REPS2: variants seen among roughly 807,000 people sequenced by gnomAD.
REPS2 encodes ralBP1-associated Eps domain-containing protein 2.
Under a neutral mutation model 53.6 loss-of-function variants are expected in REPS2, and 23 were observed. The observed-to-expected ratio is 0.43, with a 90% confidence interval of 0.31 to 0.61. The LOEUF (loss-of-function observed/expected upper bound fraction) is 0.61. REPS2 is among the 20% of genes least tolerant of loss of function. The pLI, the probability that REPS2 is intolerant of heterozygous loss-of-function variation, is 0.11. For missense variants in REPS2, 446 were observed against 534.9 expected (o/e 0.83, Z 1.64); for synonymous variants, 238 against 218.6 (o/e 1.09, Z -0.78).
the REPS2 span, among the ~76,000 whole-genome samples, chrX:17,160,968 C>T: frequency 3.6e-5 from 4 of 111,693 alleles, no homozygotes; most frequent in Admixed American, 9.5e-5. Context: ...GAATTGTGCC[C>T]CAGAAGTTGT....
intron 2 of REPS2, among the ~76,000 whole-genome samples, chrX:17,020,910 C>T (rs1027077286): frequency 4.5e-5 from 5 of 111,916 alleles, no homozygotes; most frequent in African/African-American, 1.6e-4. Context: ...GAATTATAGG[C>T]GTAAGTGAGC....
chrX:16,968,329 C>A (rs2060804636), intron 1 of REPS2, among the ~76,000 whole-genome samples: 1 of 112,930 alleles, frequency 8.9e-6, no homozygotes, highest in Non-Finnish European at 1.9e-5. Flanking sequence ...CCATTGTCAT[C>A]ATGGCCCGTT....
intron 1 of REPS2, among the ~76,000 whole-genome samples, chrX:16,967,601 C>T (rs751233574): frequency 2.7e-5 from 3 of 110,579 alleles, no homozygotes; most frequent in East Asian, 5.7e-4. Flanking sequence ...GAGGTCAAGG[C>T]TGGAGGGAGA....
chrX:17,144,938 G>A (rs1361718088), intron 17 of REPS2, among the ~76,000 whole-genome samples: 2 of 111,217 alleles, frequency 1.8e-5, no homozygotes, highest in African/African-American at 3.3e-5. Context: ...TTTAGCTTAT[G>A]TTCGTCTCAC....
the REPS2 span, among the ~76,000 whole-genome samples, chrX:17,190,450 C>T: frequency 8.9e-6 from 1 of 112,100 alleles, no homozygotes; most frequent in African/African-American, 3.2e-5. Context: ...GGCTACAACA[C>T]ACTGAAGAAA....
chrX:17,013,593 A>G (rs1364445288), intron 2 of REPS2, among the ~76,000 whole-genome samples: 2 of 103,293 alleles, frequency 1.9e-5, no homozygotes, highest in East Asian at 3.2e-4. Flanking sequence ...GGGTAAAGAA[A>G]GAAGCCCAGG....
At chrX:17,078,808 A>G (rs2062415411) in intron 13 of REPS2, among the ~76,000 whole-genome samples, 1 of 112,210 alleles carries the variant, frequency 8.9e-6, no homozygotes, top group Non-Finnish European at 1.9e-5. Flanking sequence ...TGCATCACAT[A>G]GTGGAAGAGA....
the REPS2 span, among the ~76,000 whole-genome samples, chrX:17,183,685 A>G: frequency 5.4e-5 from 6 of 112,090 alleles, no homozygotes; most frequent in East Asian, 1.7e-3. Flanking sequence ...TCTACAATCC[A>G]TCCTCCACCC....
intron 5 of REPS2, among the ~76,000 whole-genome samples, chrX:17,042,052 T>C (rs992565676): frequency 1.8e-5 from 2 of 112,488 alleles, no homozygotes; most frequent in African/African-American, 6.5e-5. Context: ...AGGGGTTGAA[T>C]GTTTTAAATA....
intron 12 of REPS2, among the ~76,000 whole-genome samples, chrX:17,075,736 G>A (rs1249999599): frequency 8.9e-6 from 1 of 112,486 alleles, no homozygotes; most frequent in African/African-American, 3.2e-5. Context: ...TGAAAATGAG[G>A]AATGTGCGCT....
chrX:17,062,415 A>G, intron 8 of REPS2, 23 bp from the exon 9 acceptor site: 1 of 1,058,521 alleles, frequency 9.4e-7, no homozygotes, highest in East Asian at 3.1e-5. Flanking sequence ...ATATTCTGAT[A>G]TATTCTTTTT....
intron 1 of REPS2, among the ~76,000 whole-genome samples, chrX:16,968,813 C>T (rs1243157193): frequency 2.5e-4 from 26 of 105,817 alleles, no homozygotes; most frequent in African/African-American, 8.0e-4. Context: ...GGTGGCTGGC[C>T]GGGCGGGGGG....
chrX:17,135,112 C>A, intron 15 of REPS2, 149 bp from the exon 16 acceptor site: 1 of 501,035 alleles, frequency 2.0e-6, no homozygotes, highest in Non-Finnish European at 3.3e-6. Flanking sequence ...CCTGTGTCCC[C>A]CCAGTTCTTG....
At chrX:17,017,017 A>G (rs1032478805) in intron 2 of REPS2, among the ~76,000 whole-genome samples, 1 of 111,242 alleles carries the variant, frequency 9.0e-6, no homozygotes, top group East Asian at 2.8e-4. Flanking sequence ...TGTCACCTAG[A>G]CTGGAGTGTA....
chrX:17,072,236 C>T (rs1329236081), intron 11 of REPS2, among the ~76,000 whole-genome samples: 1 of 112,651 alleles, frequency 8.9e-6, no homozygotes, highest in Non-Finnish European at 1.9e-5. Context: ...TTTATGCACT[C>T]TACAATAGTA....
intron 17 of REPS2, among the ~76,000 whole-genome samples, chrX:17,139,340 A>G (rs754927346): frequency 6.3e-4 from 70 of 111,631 alleles, no homozygotes; most frequent in African/African-American, 2.2e-3. Context: ...TTATTATCCA[A>G]AGCTTCTGGG....
chrX:17,122,698 A>T (rs1299614865), intron 14 of REPS2, among the ~76,000 whole-genome samples: 5 of 112,285 alleles, frequency 4.5e-5, no homozygotes, highest in Non-Finnish European at 7.5e-5. Context: ...TGCTGAATTT[A>T]TTTTATGGAT....
chrX:16,984,971 A>T (rs1036369805), intron 1 of REPS2, among the ~76,000 whole-genome samples: 4 of 111,687 alleles, frequency 3.6e-5, no homozygotes, highest in African/African-American at 1.3e-4. Context: ...TTCCACGGAG[A>T]CTTCTTTCAG....
At chrX:17,077,446 G>T in intron 13 of REPS2, 39 bp downstream of exon 13, 8 of 1,146,994 alleles carry the variant, frequency 7.0e-6, no homozygotes, top group Non-Finnish European at 9.3e-6. Flanking sequence ...TCCATTTCCT[G>T]TTGGAGCCAG....
Sources: gnomAD v4.1 joint callset for allele counts (sites outside exome capture counted in the v4.1 genomes callset) on GRCh38, gnomAD v4.1.1 for gene constraint, MANE v1.5 for transcripts, NCBI Gene and HGNC (gene_info 2026-07-23, HGNC 2026-07-21) for gene names.